STK32A: variants seen among roughly 807,000 people sequenced by gnomAD.
STK32A encodes the protein serine/threonine-protein kinase 32A.
A neutral mutation model predicts 53.2 loss-of-function variants in STK32A; 41 were observed. The ratio of observed to expected loss-of-function variants is 0.77; its 90% CI spans 0.60 to 1.00. The LOEUF is 1.00. STK32A is among the 50% of genes least tolerant of loss of function. The pLI, the probability that STK32A is intolerant of heterozygous loss-of-function variation, is 0.00. For missense variants in STK32A, 458 were observed against 485.8 expected, an observed-to-expected ratio of 0.94 and a Z score of 0.54; for synonymous variants, 166 against 162.8, an observed-to-expected ratio of 1.02 and a Z score of -0.15.
Position 147,375,106 on chromosome 5 carries a change from G to T in STK32A, c.920G>T (p.Cys307Phe). The T allele has an allele frequency of 6.2e-7, 1 of 1,605,708 alleles. No individual in the cohort carries two copies. Among genetic ancestry groups the T allele is most frequent in the Non-Finnish European group, 8.5e-7 (1 of 1,177,120 alleles). The change falls in exon 11 of 13, where the codon TGT (cysteine) becomes TTT (phenylalanine). Residue 307 changes from cysteine (C) to phenylalanine (F), a missense_variant. By Grantham distance (205) the Cys-to-Phe change is radical. Transcript: ENST00000397936. ...GFIPNKGRLN[C>F]DPTFELEEMI... ...TCCTTGCAGAAAGGCAGGCTGAATT[G>T]TGATCCTACCTTTGAACTTGAGGAA...
downstream of STK32A, among the ~76,000 whole-genome samples, chr5:147,390,627 A>C (rs187841696): frequency 1.0e-3 from 155 of 152,316 alleles, no homozygotes; most frequent in African/African-American, 3.5e-3. Flanking sequence ...ATGGCCATCA[A>C]GCTTGGTGGT....
At chr5:147,398,969 T>G in the STK32A span, 1 of 1,392,702 alleles carries the variant, frequency 7.2e-7, no homozygotes, top group Admixed American at 2.3e-5. Context: ...GGATTATTAT[T>G]GCAACCCGTC....
intron 5 of STK32A, 83 bp from the exon 6 acceptor site, chr5:147,342,923 C>A: frequency 7.7e-7 from 1 of 1,294,596 alleles, no homozygotes; most frequent in Non-Finnish European, 1.1e-6. Flanking sequence ...CTCCAGTTAG[C>A]TTTCTTAAGC....
chr5:147,308,327 A>T (rs1753523525), intron 4 of STK32A, among the ~76,000 whole-genome samples: 1 of 152,144 alleles, frequency 6.6e-6, no homozygotes. Flanking sequence ...ATTATTTATC[A>T]AAATTGTATT....
chr5:147,397,911 T>C, the STK32A span: 1 of 1,420,568 alleles, frequency 7.0e-7, no homozygotes, highest in Non-Finnish European at 9.4e-7. Context: ...CCTTCTCTCC[T>C]TGAGACCTTC....
chr5:147,396,399 G>A, the STK32A span, among the ~76,000 whole-genome samples: 6 of 152,152 alleles, frequency 3.9e-5, no homozygotes, highest in Admixed American at 1.3e-4. Flanking sequence ...CCTGCAAAGG[G>A]GCTTACAGTC....
At chr5:147,374,817 A>G (rs1388016704) in intron 10 of STK32A, among the ~76,000 whole-genome samples, 1 of 152,190 alleles carries the variant, frequency 6.6e-6, no homozygotes, top group Non-Finnish European at 1.5e-5. Flanking sequence ...ACTTTCGGAA[A>G]CATAACCCAA....
At chr5:147,390,846 T>G (rs1757778013), downstream of STK32A, 1 of 152,650 alleles carries the variant, frequency 6.6e-6, no homozygotes, top group Admixed American at 6.5e-5. Context: ...CAGGTTTACA[T>G]TAACAGTCAC....
chr5:147,290,239 T>C (rs566074808), intron 4 of STK32A, among the ~76,000 whole-genome samples: 1 of 152,122 alleles, frequency 6.6e-6, no homozygotes, highest in South Asian at 2.1e-4. Context: ...TGTGGGTATG[T>C]ATGTGTTGGG....
intron 4 of STK32A, among the ~76,000 whole-genome samples, chr5:147,303,433 C>T (rs546196500): frequency 6.6e-6 from 1 of 152,292 alleles, no homozygotes; most frequent in South Asian, 2.1e-4. Context: ...CTAACAGCAA[C>T]AGCTGACAAA....
chr5:147,383,873 T>C lies in STK32A; in HGVS notation c.1098-17T>C. Reference sequence around the variant, plus strand: ...TTTCAAAGAATAAAACATCTTTTTTTTTCTTTTCTTTTTAAGAGTAAACAG... The same window carrying C: ...TTTCAAAGAATAAAACATCTTTTTTCTTCTTTTCTTTTTAAGAGTAAACAG... On this transcript the variant is annotated splice_polypyrimidine_tract_variant and intron_variant, in intron 12 of 12. Transcript: ENST00000397936. The C allele has an allele frequency of 6.9e-7, 1 of 1,458,096 alleles. No individual in the cohort carries two copies. The highest frequency in any genetic ancestry group is 9.4e-7 in the Non-Finnish European group (1 of 1,068,560). 90.3% of individuals were successfully genotyped at this position (1,458,096 alleles called of 1,614,324 possible). A position where few individuals can be genotyped will look rare whatever the true frequency, so the allele number is the denominator to read the frequency against.
intron 8 of STK32A, among the ~76,000 whole-genome samples, chr5:147,367,386 G>A (rs1433970758): frequency 6.6e-6 from 1 of 152,006 alleles, no homozygotes; most frequent in African/African-American, 2.4e-5. Context: ...ACTTTAAATA[G>A]GTATATAATA....
At position 147,384,984 on chromosome 5, in the gene STK32A, T is replaced by C. The variant is rs1410080743; in HGVS notation, c.*1001T>C. On this transcript the variant is annotated 3_prime_UTR_variant, in exon 13 of 13. Coordinates refer to ENST00000397936, the MANE Select transcript of STK32A (RefSeq NM_001112724.2). ...TAAAGTATATGGGAAGTATCTTTTCTCAGTAAAGCCCAATACAGTGTCACC... is the reference window on the plus strand; with the variant it reads ...TAAAGTATATGGGAAGTATCTTTTCCCAGTAAAGCCCAATACAGTGTCACC... 1 of 152,428 alleles carries C rather than the reference T, an allele frequency of 6.6e-6. No individual in the cohort carries two copies. Among genetic ancestry groups the C allele is most frequent in the African/African-American group, 2.4e-5 (1 of 41,466 alleles). 9.4% of individuals were successfully genotyped at this position (152,428 alleles called of 1,614,324 possible). A position where few individuals can be genotyped will look rare whatever the true frequency, so the allele number is the denominator to read the frequency against.
chr5:147,335,247 C>T (rs1755061205), intron 5 of STK32A, among the ~76,000 whole-genome samples: 1 of 152,112 alleles, frequency 6.6e-6, no homozygotes, highest in African/African-American at 2.4e-5. Context: ...TCCTCAGTTA[C>T]AAATGTGGAG....
intron 4 of STK32A, among the ~76,000 whole-genome samples, chr5:147,322,823 C>T (rs1294133902): frequency 6.6e-6 from 1 of 152,124 alleles, no homozygotes; most frequent in Non-Finnish European, 1.5e-5. Flanking sequence ...TCTTCTAATT[C>T]CTCATCCCTA....
intron 5 of STK32A, among the ~76,000 whole-genome samples, chr5:147,337,786 T>C (rs10042298): frequency 0.12 from 18,624 of 151,974 alleles, 3,177 homozygotes; most frequent in African/African-American, 0.38. Flanking sequence ...ATTGAGGATA[T>C]GAGTTTTGAT....
intron 2 of STK32A, among the ~76,000 whole-genome samples, chr5:147,241,370 T>G (rs7442692): frequency 0.41 from 61,934 of 151,870 alleles, 12,776 homozygotes; most frequent in Admixed American, 0.45. Context: ...TCCCAGCTAC[T>G]CGGGAGGCTG....
intron 2 of STK32A, among the ~76,000 whole-genome samples, chr5:147,266,377 A>C (rs528282611): frequency 6.6e-6 from 1 of 152,210 alleles, no homozygotes; most frequent in Non-Finnish European, 1.5e-5. Context: ...TGAGGACTTC[A>C]TTGACTAGCT....
chr5:147,383,179 T>C, intron 11 of STK32A: 2 of 462,374 alleles, frequency 4.3e-6, no homozygotes, highest in Non-Finnish European at 7.6e-6. Context: ...AAGCTTTCAA[T>C]AGACTCCAGA....
Sources: allele counts gnomAD v4.1 joint callset (sites outside exome capture counted in the v4.1 genomes callset), GRCh38; gene constraint gnomAD v4.1.1; transcripts MANE v1.5; gene names NCBI Gene and HGNC (gene_info 2026-07-23, HGNC 2026-07-21).